ROBO2: variants seen among roughly 807,000 people sequenced by gnomAD.
The protein encoded by ROBO2 is roundabout guidance receptor 2.
ROBO2 carries 53 observed loss-of-function variants against 160.8 expected under a neutral mutation model. The observed-to-expected ratio is 0.33, with a 90% CI of 0.26 to 0.41. The LOEUF is 0.41. Among genes scored for constraint, ROBO2 ranks in the 10% least tolerant of loss-of-function variants. ROBO2 has a pLI of 1.00. For missense variants in ROBO2, 1,577 were observed against 1,722.4 expected, an observed-to-expected ratio of 0.92 and a Z score of 1.49; for synonymous variants, 664 against 611.7, an observed-to-expected ratio of 1.09 and a Z score of -1.26.
intron 2 of ROBO2, among the ~76,000 whole-genome samples, chr3:76,185,195 G>GATATATATATATATATAT (rs1219580267): frequency 0.02 from 870 of 44,250 alleles, 43 homozygotes; most frequent in East Asian, 0.055. Flanking sequence ...AGTAAACACA[G>GATATATATATATATATAT]ATATATATAT....
chr3:76,662,310 A>G (rs1465475032), intron 2 of ROBO2, among the ~76,000 whole-genome samples: 1 of 152,204 alleles, frequency 6.6e-6, no homozygotes, highest in Non-Finnish European at 1.5e-5. Flanking sequence ...ACCATAGGGC[A>G]ACTTATTACT....
chr3:77,535,163 G>T (rs150278270), intron 6 of ROBO2, among the ~76,000 whole-genome samples: 217 of 151,808 alleles, frequency 1.4e-3, no homozygotes, highest in African/African-American at 5.0e-3. Context: ...CAACCCTTCA[G>T]CATCAGTACA....
intron 2 of ROBO2, among the ~76,000 whole-genome samples, chr3:76,133,618 G>C (rs1030950820): frequency 2.0e-5 from 3 of 152,038 alleles, no homozygotes; most frequent in African/African-American, 7.2e-5. Context: ...GTGTGTGGCC[G>C]AAGACCCGAC....
intron 2 of ROBO2, among the ~76,000 whole-genome samples, chr3:76,691,417 T>C (rs749102778): frequency 1.3e-5 from 2 of 151,798 alleles, no homozygotes; most frequent in African/African-American, 2.4e-5. Context: ...ACGGGGGTTG[T>C]GATGAAATAA....
rs923687956 is a variant in ROBO2, at chr3:77,000,562, G to A, written c.110-97452G>A. 5.5e-5 allele frequency among the ~76,000 whole-genome samples: 8 copies of A among 146,012 alleles called. No homozygotes were observed. In the East Asian group the frequency reaches 6.7e-4, roughly 12 times the overall value. Reference sequence around the variant, plus strand: ...ACACCCATTAGAAACTTATTTATAGGTAGCTGGCATTTTCATGACTTTTTT... The same window carrying A: ...ACACCCATTAGAAACTTATTTATAGATAGCTGGCATTTTCATGACTTTTTT... On this transcript the variant is annotated intron_variant, in intron 2 of 26. Transcript: ENST00000487694.
intron 2 of ROBO2, among the ~76,000 whole-genome samples, chr3:75,994,887 G>A (rs1170164577): frequency 1.3e-5 from 2 of 152,168 alleles, no homozygotes; most frequent in African/African-American, 4.8e-5. Context: ...AGGCTGAGGT[G>A]CTATCAGATG....
At chr3:77,056,016 T>C (rs1162155548) in intron 1 of ROBO2, among the ~76,000 whole-genome samples, 1 of 152,230 alleles carries the variant, frequency 6.6e-6, no homozygotes, top group East Asian at 1.9e-4. Flanking sequence ...TAGGACATAG[T>C]GTGTAGGTAT....
At chr3:76,925,295 A>G (rs1417753101) in intron 2 of ROBO2, among the ~76,000 whole-genome samples, 3 of 152,080 alleles carry the variant, frequency 2.0e-5, no homozygotes, top group Non-Finnish European at 2.9e-5. Context: ...TAAATAAATG[A>G]AGATCTATGA....
At chr3:77,019,371 C>T (rs1264046123) in intron 2 of ROBO2, among the ~76,000 whole-genome samples, 1 of 152,128 alleles carries the variant, frequency 6.6e-6, no homozygotes, top group Non-Finnish European at 1.5e-5. Context: ...AGGCTTCCAC[C>T]CGCAGGACAT....
At chr3:77,501,493 A>G (rs1243163657) in intron 5 of ROBO2, among the ~76,000 whole-genome samples, 1 of 152,200 alleles carries the variant, frequency 6.6e-6, no homozygotes, top group African/African-American at 2.4e-5. Context: ...AAGGTATAAT[A>G]GAATTTAAGA....
chr3:77,247,573 C>G (rs887622580), intron 2 of ROBO2, among the ~76,000 whole-genome samples: 1 of 152,158 alleles, frequency 6.6e-6, no homozygotes, highest in African/African-American at 2.4e-5. Flanking sequence ...GGCTCCTCCT[C>G]TCTTCAGTAA....
At chr3:76,202,915 T>A (rs961807428) in intron 2 of ROBO2, among the ~76,000 whole-genome samples, 1 of 152,130 alleles carries the variant, frequency 6.6e-6, no homozygotes, top group Non-Finnish European at 1.5e-5. Context: ...CTAGGCAGAG[T>A]GACACTGTGT....
At chr3:77,565,023 A>G in exon 12 of ROBO2, 1 of 1,613,702 alleles carries the variant, frequency 6.2e-7, no homozygotes, top group Non-Finnish European at 8.5e-7. Flanking sequence ...CTGTAAGAGG[A>G]CTGCGGCCCA....
At chr3:76,123,110 A>G (rs1299910313) in intron 2 of ROBO2, among the ~76,000 whole-genome samples, 1 of 151,992 alleles carries the variant, frequency 6.6e-6, no homozygotes, top group Non-Finnish European at 1.5e-5. Flanking sequence ...ATCTCTCTCA[A>G]CTGGTTTGCC....
intron 2 of ROBO2, among the ~76,000 whole-genome samples, chr3:77,386,103 C>T (rs929365691): frequency 5.9e-5 from 9 of 152,098 alleles, no homozygotes; most frequent in South Asian, 2.1e-4. Context: ...ACATCCACTG[C>T]GTACTGTGCT....
intron 2 of ROBO2, among the ~76,000 whole-genome samples, chr3:75,977,052 T>C (rs1239683627): frequency 6.6e-6 from 1 of 151,674 alleles, no homozygotes; most frequent in Non-Finnish European, 1.5e-5. Flanking sequence ...TGAATCACTC[T>C]TTCATATAAT....
chr3:76,761,186 T>C (rs1211089234), intron 2 of ROBO2, among the ~76,000 whole-genome samples: 1 of 151,768 alleles, frequency 6.6e-6, no homozygotes, highest in East Asian at 2.0e-4. Context: ...AAACCCTTAT[T>C]TGCATGCCTC....
intron 2 of ROBO2, among the ~76,000 whole-genome samples, chr3:77,404,205 A>G (rs1308133380): frequency 1.3e-5 from 2 of 152,180 alleles, no homozygotes; most frequent in Non-Finnish European, 2.9e-5. Flanking sequence ...TATGGAATAT[A>G]ATATCTCATG....
At chr3:77,461,755 G>T (rs1041770266) in intron 2 of ROBO2, among the ~76,000 whole-genome samples, 3 of 148,714 alleles carry the variant, frequency 2.0e-5, no homozygotes, top group African/African-American at 4.9e-5. Flanking sequence ...TTGAGACAGA[G>T]TCTCTCTCTG....
Sources: allele counts gnomAD v4.1 joint callset (sites outside exome capture counted in the v4.1 genomes callset), GRCh38; gene constraint gnomAD v4.1.1; transcripts MANE v1.5; gene names NCBI Gene and HGNC (gene_info 2026-07-23, HGNC 2026-07-21).